Variants in ADAP1 observed in about 807,000 individuals in gnomAD.
ADAP1 encodes the protein arf-GAP with dual PH domain-containing protein 1.
ADAP1 carries 31 observed loss-of-function variants against 54.9 expected under a neutral mutation model. That is an observed-to-expected ratio of 0.56 (90% CI 0.42 to 0.76). The LOEUF (loss-of-function observed/expected upper bound fraction) is 0.76. Ranked by LOEUF, ADAP1 falls within the 30% of genes least tolerant of loss-of-function variation. The pLI, the probability that ADAP1 is intolerant of heterozygous loss-of-function variation, is 0.00. For missense variants in ADAP1, 535 were observed against 512.4 expected (o/e 1.04, Z -0.42); for synonymous variants, 313 against 202.6 (o/e 1.55, Z -4.63).
intron 1 of ADAP1, among the ~76,000 whole-genome samples, chr7:942,370 A>G (rs1846966992): frequency 1.1e-5 from 1 of 87,662 alleles, no homozygotes; most frequent in Non-Finnish European, 2.2e-5. Flanking sequence ...AAGAGAGAGG[A>G]GGAGGAGGAA....
Position 926,871 on chromosome 7 carries a change from T to C in ADAP1, c.214-227A>G. The C allele has an allele frequency of 3.4e-6, 3 of 888,098 alleles. No individual in the cohort carries two copies. The highest frequency in any genetic ancestry group is 4.8e-6 in the Non-Finnish European group (3 of 623,986). The allele number at this position is 888,098 out of a possible 1,614,324, so 55.0% of individuals were successfully genotyped here. On this transcript the variant is annotated intron_variant, in intron 2 of 10. Transcript: ENST00000265846. This position sits in a 1 kb window ranked among gnomAD's most constrained non-coding sequence, Gnocchi z 4.6. ...GGAGCCAGCGTCCCTAACGACGGGG[T>C]CCCGGCAAAGGGGGCCCAGGGGCCA...
chr7:904,069 G>T, intron 6 of ADAP1, 57 bp downstream of exon 6: 5 of 1,599,090 alleles, frequency 3.1e-6, no homozygotes, highest in South Asian at 1.1e-5. Context: ...TGCGCCACCC[G>T]GGCCTGAGGG....
chr7:920,880 A>C lies in ADAP1; in HGVS notation c.306-830T>G, dbSNP rs1583162777. The C allele has an allele frequency of 1.3e-6, 2 of 1,549,982 alleles. No individual in the cohort carries two copies. Among genetic ancestry groups the C allele is most frequent in the Non-Finnish European group, 1.7e-6 (2 of 1,146,754 alleles). On this transcript the variant is annotated intron_variant, in intron 3 of 10. Transcript: ENST00000265846. This position sits in a 1 kb window ranked among gnomAD's most constrained non-coding sequence, Gnocchi z 4.5. The stretch of plus-strand genomic sequence containing the variant: ...AGCCGCCCCAGCCTTTTCCACTCCC[A>C]GGGAATTACGCGGCAAAGAACAAAT...
intron 6 of ADAP1, 92 bp from the exon 7 acceptor site, chr7:900,708 T>G (rs1583114411): frequency 1.2e-6 from 1 of 860,242 alleles, no homozygotes. Context: ...AGGGGCCGCT[T>G]CCCCCAGAGC....
intron 1 of ADAP1, among the ~76,000 whole-genome samples, chr7:940,894 C>CA (rs201385935): frequency 0.021 from 3,211 of 152,128 alleles, 43 homozygotes; most frequent in Non-Finnish European, 0.025. Context: ...TCAATAGATG[C>CA]AAAAAATGCT....
chr7:912,171 G>A (rs902196630), intron 4 of ADAP1, among the ~76,000 whole-genome samples: 10 of 152,170 alleles, frequency 6.6e-5, no homozygotes, highest in African/African-American at 1.7e-4. Flanking sequence ...AGGAGGGGCC[G>A]TCCTGAACCA....
chr7:901,952 G>A (rs1583117316), intron 6 of ADAP1, among the ~76,000 whole-genome samples: 2 of 152,088 alleles, frequency 1.3e-5, no homozygotes, highest in African/African-American at 4.8e-5. Flanking sequence ...CCCCCAGCAG[G>A]AGATGGAGCC....
chr7:908,580 C>T (rs1845576547), intron 4 of ADAP1, among the ~76,000 whole-genome samples: 2 of 152,242 alleles, frequency 1.3e-5, no homozygotes, highest in Admixed American at 1.3e-4. Context: ...CACCAGTGTC[C>T]CTCAGACCCA....
chr7:917,777 T>A (rs1320122125), intron 4 of ADAP1, among the ~76,000 whole-genome samples: 1 of 151,986 alleles, frequency 6.6e-6, no homozygotes, highest in African/African-American at 2.4e-5. Flanking sequence ...CGATTCATCT[T>A]TTTTCTTGTT....
intron 4 of ADAP1, among the ~76,000 whole-genome samples, chr7:909,804 G>GC (rs549926894): frequency 7.4e-4 from 113 of 152,282 alleles, no homozygotes; most frequent in African/African-American, 2.4e-3. Flanking sequence ...GCTACCGCGT[G>GC]CCGCGCCCTG....
chr7:915,569 G>T (rs891247679), intron 4 of ADAP1, among the ~76,000 whole-genome samples: 3 of 152,226 alleles, frequency 2.0e-5, no homozygotes, highest in Admixed American at 6.5e-5. Flanking sequence ...CTGCTGGGAG[G>T]CCTCTCCCTC....
At chr7:941,072 T>C (rs1276338536) in intron 1 of ADAP1, among the ~76,000 whole-genome samples, 1 of 151,700 alleles carries the variant, frequency 6.6e-6, no homozygotes, top group Non-Finnish European at 1.5e-5. Flanking sequence ...CAATTTGACA[T>C]AGATGATTCA....
chr7:901,027 C>T (rs1169452929), intron 6 of ADAP1: 4 of 474,934 alleles, frequency 8.4e-6, no homozygotes, highest in South Asian at 4.6e-5. Context: ...GTAGCTCAAG[C>T]AAGTCTTGGG....
In ADAP1 at chr7:920,081, G is replaced by A. The variant is rs781344185; in HGVS notation, c.306-31C>T. 2.5e-6 allele frequency: 4 copies of A among 1,593,446 alleles called. No individual in the cohort carries two copies. The highest frequency in any genetic ancestry group is 3.4e-6 in the Non-Finnish European group (4 of 1,173,246). On this transcript the variant is annotated intron_variant, in intron 3 of 10. Coordinates refer to ENST00000265846, the MANE Select transcript of ADAP1 (RefSeq NM_006869.4). This position sits in a 1 kb window ranked among gnomAD's most constrained non-coding sequence, Gnocchi z 4.5. ...GGGAGAGGAGAGACTGAGCCACTGG[G>A]CCAAGGCGGCCTCCGACCCAGCACA...
At chr7:901,154 C>T (rs958902466) in intron 6 of ADAP1, 14 of 400,878 alleles carry the variant, frequency 3.5e-5, no homozygotes, top group African/African-American at 2.3e-4. Context: ...CTCTGGAGAG[C>T]GTGGGGTGGG....
At position 954,391 on chromosome 7, in the gene ADAP1, C is replaced by T; in HGVS notation, c.82+5G>A. On this transcript the variant is annotated splice_donor_5th_base_variant and intron_variant, in intron 1 of 10. Transcript: ENST00000265846. ...CGGCCCCGCGCCCACCCGGCCCACA[C>T]CTACCCGGGGCGCCGCAGTCCGCGC... 8.9e-7 allele frequency: 1 copy of T among 1,120,688 alleles called. No homozygotes were observed. Among genetic ancestry groups the T allele is most frequent in the South Asian group, 2.1e-5 (1 of 47,620 alleles). 69.4% of individuals were successfully genotyped at this position (1,120,688 alleles called of 1,614,324 possible). A position where few individuals can be genotyped will look rare whatever the true frequency, so the allele number is the denominator to read the frequency against.
chr7:933,298 A>G (rs1232632474), intron 2 of ADAP1, among the ~76,000 whole-genome samples: 1 of 151,908 alleles, frequency 6.6e-6, no homozygotes, highest in Non-Finnish European at 1.5e-5. Flanking sequence ...CCTGGGCTCA[A>G]ACAATCCTCC....
At chr7:936,287 G>T (rs1386241558) in intron 1 of ADAP1, among the ~76,000 whole-genome samples, 1 of 152,008 alleles carries the variant, frequency 6.6e-6, no homozygotes, top group African/African-American at 2.4e-5. Flanking sequence ...TGCAACCTCT[G>T]CCTCCCGGGT....
In ADAP1 at chr7:899,220, C is replaced by T; in HGVS notation, c.909G>A (p.Glu303=). 2 of 1,612,810 alleles carry T rather than the reference C, an allele frequency of 1.2e-6. No homozygotes were observed. Among genetic ancestry groups the T allele is most frequent in the African/African-American group, 1.3e-5 (1 of 75,066 alleles). ...ACCCATGCAGCACCGTGTAGCCACT[C>T]TCCTTGCTGCCAATGAAGACTTCCC... ...ARGEVFIGSK[E]SGYTVLHGFP... Residue 303 remains glutamate (E), a synonymous_variant, in exon 10 of 11, where the codon GAG becomes GAA. Coordinates refer to ENST00000265846, the MANE Select transcript of ADAP1 (RefSeq NM_006869.4).
Sources: gnomAD v4.1 joint callset for allele counts (sites outside exome capture counted in the v4.1 genomes callset) on GRCh38, gnomAD v4.1.1 for gene constraint, Gnocchi (gnomAD v3.1) non-coding constraint, MANE v1.5 for transcripts, NCBI Gene and HGNC (gene_info 2026-07-23, HGNC 2026-07-21) for gene names.